NBEAL2: variants seen among roughly 807,000 people sequenced by gnomAD.
NBEAL2 encodes neurobeachin like 2.
In NBEAL2, 160 loss-of-function variants were observed where a neutral mutation model predicts 299.8. That is an observed-to-expected ratio of 0.53 (90% CI 0.47 to 0.61). The LOEUF (loss-of-function observed/expected upper bound fraction) is 0.61, where lower values mean the gene tolerates loss of function less well. Ranked by LOEUF, NBEAL2 falls within the 20% of genes least tolerant of loss-of-function variation. NBEAL2 has a pLI of 0.00. For missense variants in NBEAL2, 3,112 were observed against 3,649.0 expected (o/e 0.85, Z 3.79); for synonymous variants, 1,493 against 1,542.3 (o/e 0.97, Z 0.75).
rs2037250702 is a variant in NBEAL2 at position 47,004,238 on chromosome 3, A to G, written c.6043A>G (p.Ser2015Gly). 1 of 1,613,622 alleles carries G rather than the reference A, an allele frequency of 6.2e-7. No homozygotes were observed. Among genetic ancestry groups the G allele is most frequent in the South Asian group, 1.1e-5 (1 of 91,086 alleles). The change falls in exon 37 of 54, where the codon AGC becomes GGC. Residue 2015 changes from serine (S) to glycine (G), a missense_variant. Ser to Gly is a moderately conservative substitution (Grantham distance 56). Transcript: ENST00000450053. This position sits in a 1 kb window ranked among gnomAD's most constrained non-coding sequence, Gnocchi z 5.0. ...KVGTTPVSSP[S>G]QTPRPQPGPI... ...GGGCACGACCCCAGTCTCATCTCCT[A>G]GCCAGACTCCCAGACCCCAGCCTGG...
At chr3:46,987,087 G>A (rs1008315902) in intron 1 of NBEAL2, among the ~76,000 whole-genome samples, 1 of 152,250 alleles carries the variant, frequency 6.6e-6, no homozygotes, top group African/African-American at 2.4e-5. Flanking sequence ...AACTGTACCA[G>A]GGAGTTCCCC....
At chr3:47,005,353 G>T in intron 40 of NBEAL2, 32 bp downstream of exon 40, 1 of 1,593,862 alleles carries the variant, frequency 6.3e-7, no homozygotes, top group Non-Finnish European at 8.5e-7. Flanking sequence ...GCAGACTAGG[G>T]GGCAGATAAG....
chr3:46,986,049 T>C (rs1417196823), intron 1 of NBEAL2, among the ~76,000 whole-genome samples: 1 of 152,064 alleles, frequency 6.6e-6, no homozygotes, highest in Non-Finnish European at 1.5e-5. Context: ...TGGCCTGAGG[T>C]CTTCCAGGGA....
chr3:47,008,723 G>T, intron 52 of NBEAL2, 55 bp downstream of exon 52: 2 of 1,603,796 alleles, frequency 1.2e-6, no homozygotes, highest in Non-Finnish European at 1.7e-6. Flanking sequence ...CATTGGTGTA[G>T]GATAAAGGCC....
At position 47,006,384 on chromosome 3, in the gene NBEAL2, C is replaced by T. The variant is rs1238825344; in HGVS notation, c.7069C>T (p.Arg2357Cys). The T allele has an allele frequency of 5.6e-6, 9 of 1,595,574 alleles. No individual in the cohort carries two copies. The highest frequency in any genetic ancestry group is 4.5e-5 in the East Asian group (2 of 44,006). The change falls in exon 45 of 54, where the codon CGC becomes TGC. Residue 2357 changes from arginine (R) to cysteine (C), a missense_variant. By Grantham distance (180) the Arg-to-Cys change is radical (BLOSUM62 -3). Coordinates refer to ENST00000450053, the MANE Select transcript of NBEAL2 (RefSeq NM_015175.3). ...SAEEAAHRLARLDTNSPSIFQ... is the reference protein window; with the variant it reads ...SAEEAAHRLACLDTNSPSIFQ... ...TGAGGAAGCAGCCCATCGCCTTGCA[C>T]GCCTGGACACTAACTCACCTAGCAT...
chr3:47,007,036 G>A (rs768438581), intron 45 of NBEAL2, 30 bp from the exon 46 acceptor site: 58 of 1,561,458 alleles, frequency 3.7e-5, no homozygotes, highest in Non-Finnish European at 4.6e-5. Flanking sequence ...TAGTACTCAG[G>A]CATAGCTAGG....
rs777766392 is a variant in NBEAL2 at position 47,000,660 on chromosome 3, G to A, written c.4305+256G>A. Among the ~76,000 whole-genome samples the A allele has an allele frequency of 5.9e-5, 9 of 152,166 alleles. No homozygotes were observed. Among genetic ancestry groups the A allele is most frequent in the African/African-American group, 1.4e-4 (6 of 41,444 alleles). The stretch of plus-strand genomic sequence containing the variant: ...TTCAGAAGGGCCCTCAAGAGAGCCT[G>A]TAGGGCAGACACCTCACAGGGTCCA... On this transcript the variant is annotated intron_variant, in intron 27 of 53. Transcript: ENST00000450053. The surrounding 1 kb of genome is among the most constrained non-coding windows in gnomAD (Gnocchi z 4.5).
Position 46,995,046 on chromosome 3 carries a change from C to T in NBEAL2, c.1311C>T (p.Asp437=). The T allele has an allele frequency of 6.5e-7, 1 of 1,547,164 alleles. No individual in the cohort carries two copies. The highest frequency in any genetic ancestry group is 2.4e-5 in the East Asian group (1 of 41,444). The change falls in exon 13 of 54, where the codon GAC becomes GAT. Residue 437 remains aspartate, a synonymous_variant. Coordinates refer to ENST00000450053, the MANE Select transcript of NBEAL2 (RefSeq NM_015175.3). ...TCCACCCACAGGCTGTGGAGGGTGACCACAGCATGTGCCCACCTCCACCAA... is the reference window on the plus strand; with the variant it reads ...TCCACCCACAGGCTGTGGAGGGTGATCACAGCATGTGCCCACCTCCACCAA... ...QELLNMAVEG[D]HSMCPPPPIR...
At position 46,994,553 on chromosome 3, in the gene NBEAL2, G is replaced by A; in HGVS notation, c.1296G>A (p.Met432Ile). 1 of 1,572,654 alleles carries A rather than the reference G, an allele frequency of 6.4e-7. No individual in the cohort carries two copies. Among genetic ancestry groups the A allele is most frequent in the South Asian group, 1.2e-5 (1 of 85,958 alleles). ...GGCTGTTGCAAGAGCTGCTCAACAT[G>A]GTGAGGGAAGGGGCTTGGGACCAGG... ...THRLLQELLN[M>I]AVEGDHSMCP... The change falls in exon 12 of 54, where the codon ATG becomes ATA. Residue 432 changes from methionine to isoleucine, a missense_variant and splice_region_variant. By Grantham distance (10) the Met-to-Ile change is conservative (BLOSUM62 1). This residue lies in a region of NBEAL2 where 2,243 missense variants were observed against 2,538.1 expected (regional missense o/e 0.88). Coordinates refer to ENST00000450053, the MANE Select transcript of NBEAL2 (RefSeq NM_015175.3).
Position 46,985,650 on chromosome 3 carries a change from AT to A in NBEAL2, c.52-3017del, listed in dbSNP as rs368116966. On this transcript the variant is annotated intron_variant, in intron 1 of 53. Coordinates refer to ENST00000450053, the MANE Select transcript of NBEAL2 (RefSeq NM_015175.3). ...CTTCCCAGGGACACCGGCCTTCCAC[AT>A]TCCCACAACCTTCTCCCCTGCTGCA... is the stretch of plus-strand genomic sequence containing the variant. Among the ~76,000 whole-genome samples the A allele has an allele frequency of 4.0e-3, 613 of 152,256 alleles. 5 individuals carry two copies. The highest frequency in any genetic ancestry group is 0.013 in the African/African-American group (550 of 41,542).
rs762921961 is a variant in NBEAL2 at position 46,999,343 on chromosome 3, G to A, written c.3572G>A (p.Arg1191Gln). 1.2e-5 allele frequency: 19 copies of A among 1,610,908 alleles called. No individual in the cohort carries two copies. The highest frequency in any genetic ancestry group is 1.6e-4 in the Middle Eastern group (1 of 6,078). Reference protein sequence around the residue: ...KILRRLQQNERLPERSRQRLR... With the variant: ...KILRRLQQNEQLPERSRQRLR... ...CTGCGCAGACTGCAGCAGAATGAGCGGCTACCTGAGCGGAGCCGCCAGCGC... is the reference window on the plus strand; with the variant it reads ...CTGCGCAGACTGCAGCAGAATGAGCAGCTACCTGAGCGGAGCCGCCAGCGC... Residue 1191 changes from arginine (R) to glutamine (Q), a missense_variant, in exon 25 of 54, where the codon CGG becomes CAG. Around this residue, in one of 3 missense-constraint regions of NBEAL2, gnomAD observed 2,243 missense variants for 2,538.1 expected, o/e 0.88. Transcript: ENST00000450053.
At position 47,002,664 on chromosome 3, in the gene NBEAL2, C is replaced by T. The variant is rs780443206; in HGVS notation, c.5321C>T (p.Ala1774Val). 2.0e-5 allele frequency: 32 copies of T among 1,609,360 alleles called. No individual in the cohort carries two copies. In the Middle Eastern group the frequency reaches 6.6e-4, roughly 33 times the overall value. The change falls in exon 33 of 54, where the codon GCG becomes GTG. Residue 1774 changes from alanine (A) to valine (V), a missense_variant. Coordinates refer to ENST00000450053, the MANE Select transcript of NBEAL2 (RefSeq NM_015175.3). The part of the protein sequence containing the change: ...RAFQELVLEP[A>V]QRRARLEGLR... ...CCCCAGGAGCTGGTGCTGGAACCTG[C>T]GCAGAGGCGGGCGCGCCTGGAGGGG...
At position 47,005,633 on chromosome 3, in the gene NBEAL2, G is replaced by A; in HGVS notation, c.6691+14G>A. 1.9e-6 allele frequency: 3 copies of A among 1,613,614 alleles called. No homozygotes were observed. Among genetic ancestry groups the A allele is most frequent in the Non-Finnish European group, 1.7e-6 (2 of 1,179,794 alleles). The stretch of plus-strand genomic sequence containing the variant: ...AGAACCAGAACGGTAGGTGTGAGGT[G>A]CTCACACTGGAGCGGGCAGGTGTAG... On this transcript the variant is annotated intron_variant, in intron 41 of 53. Transcript: ENST00000450053.
At chr3:46,985,754 G>T (rs539807760) in intron 1 of NBEAL2, among the ~76,000 whole-genome samples, 1 of 152,334 alleles carries the variant, frequency 6.6e-6, no homozygotes, top group South Asian at 2.1e-4. Context: ...CTTCAGTGGG[G>T]GACAGGGTTG....
intron 52 of NBEAL2, 73 bp from the exon 53 acceptor site, chr3:47,008,916 G>T: frequency 6.3e-7 from 1 of 1,575,274 alleles, no homozygotes; most frequent in Non-Finnish European, 8.6e-7. Flanking sequence ...AGGGTATATG[G>T]GATAAGGGAT....
At position 47,008,455 on chromosome 3, in the gene NBEAL2, G is replaced by T; in HGVS notation, c.7878+14G>T. On this transcript the variant is annotated intron_variant, in intron 51 of 53. Transcript: ENST00000450053. ...CCTGGGGCCCAGGTATGGGGAAGGG[G>T]TGCCCAGCAAAGATGGAGGGGCAGT... 1 of 1,610,578 alleles carries T rather than the reference G, an allele frequency of 6.2e-7. No individual in the cohort carries two copies.
Position 47,007,528 on chromosome 3 carries a change from G to T in NBEAL2, c.7338G>T (p.Thr2446=), listed in dbSNP as rs773773829. 1.9e-6 allele frequency: 3 copies of T among 1,610,992 alleles called. No homozygotes were observed. Among genetic ancestry groups the T allele is most frequent in the Non-Finnish European group, 2.5e-6 (3 of 1,178,992 alleles). The part of the protein sequence containing the change: ...SKDPTMGSHK[T]QRLLSGPWVP... ...GCTATCCCCCTCACTGGGTCAGGAC[G>T]CAGCGACTGCTGAGTGGCCCGTGGG... The change falls in exon 48 of 54, where the codon ACG becomes ACT. Residue 2446 remains threonine, a synonymous_variant. Coordinates refer to ENST00000450053, the MANE Select transcript of NBEAL2 (RefSeq NM_015175.3).
At chr3:46,987,923 C>T in intron 1 of NBEAL2, 2 of 1,144,880 alleles carry the variant, frequency 1.7e-6, no homozygotes, top group Non-Finnish European at 2.3e-6. Context: ...GGAAGCGGTC[C>T]CCCTCCCCCA....
In NBEAL2 at chr3:47,001,925, T is replaced by A. The variant is rs377663022; in HGVS notation, c.4788T>A (p.His1596Gln). Residue 1596 changes from histidine to glutamine, a missense_variant, in exon 31 of 54, where the codon CAT (histidine) becomes CAA (glutamine). By Grantham distance (24) the His-to-Gln change is conservative. Transcript: ENST00000450053. The surrounding 1 kb of genome is among the most constrained non-coding windows in gnomAD (Gnocchi z 6.1). ...CATCTCTCTTGCGCCCACAGCTGCA[T>A]GCCCAGGCCTACGTGAGATTGCACA... is the stretch of plus-strand genomic sequence containing the variant. ...GYILLEDPQLHAQAYVRLHML... is the reference protein window; with the variant it reads ...GYILLEDPQLQAQAYVRLHML... The A allele has an allele frequency of 5.6e-6, 9 of 1,603,768 alleles. No homozygotes were observed. The highest frequency in any genetic ancestry group is 7.7e-6 in the Non-Finnish European group (9 of 1,172,958).
Sources: allele counts gnomAD v4.1 joint callset (sites outside exome capture counted in the v4.1 genomes callset), GRCh38; gene constraint gnomAD v4.1.1; regional missense constraint gnomAD v4.1.1; non-coding constraint Gnocchi (gnomAD v3.1); transcripts MANE v1.5; gene names NCBI Gene and HGNC (gene_info 2026-07-23, HGNC 2026-07-21).